Variants in ACOT8 observed in about 807,000 individuals in gnomAD.
ACOT8 encodes acyl-CoA thioesterase 8, also known as acyl-coenzyme A thioesterase 8.
A neutral mutation model predicts 38.4 loss-of-function variants in ACOT8; 31 were observed. The observed-to-expected ratio is 0.81, with a 90% CI of 0.61 to 1.09. The LOEUF is 1.09. Among genes scored for constraint, ACOT8 ranks in the 50% least tolerant of loss-of-function variants. ACOT8 has a pLI of 0.00. For synonymous variants in ACOT8, 158 were observed against 170.3 expected, an observed-to-expected ratio of 0.93 and a Z score of 0.56; for missense variants, 373 against 421.8, an observed-to-expected ratio of 0.88 and a Z score of 1.01.
intron 2 of ACOT8, 63 bp downstream of exon 2, chr20:45,855,096 C>A: frequency 6.3e-7 from 1 of 1,596,636 alleles, no homozygotes; most frequent in Non-Finnish European, 8.5e-7. Flanking sequence ...ACCTCAGCCC[C>A]CAAGGCCAGA....
chr20:45,849,538 C>T (rs1393627695), intron 2 of ACOT8, among the ~76,000 whole-genome samples: 2 of 151,732 alleles, frequency 1.3e-5, no homozygotes, highest in South Asian at 2.1e-4. Flanking sequence ...GCAACCTCTG[C>T]CTCCCAGGTT....
chr20:45,854,170 A>G (rs181295317), intron 2 of ACOT8, among the ~76,000 whole-genome samples: 40 of 137,492 alleles, frequency 2.9e-4, no homozygotes, highest in Non-Finnish European at 8.4e-5. Flanking sequence ...ATGTGCGGGG[A>G]TTATAGGCAT....
chr20:45,846,009 T>A (rs1200894337), intron 3 of ACOT8, among the ~76,000 whole-genome samples: 2 of 151,894 alleles, frequency 1.3e-5, no homozygotes, highest in Non-Finnish European at 2.9e-5. Context: ...TTTTTTTGTG[T>A]GTGTATTTTT....
chr20:45,844,964 G>C (rs148379244), intron 3 of ACOT8, among the ~76,000 whole-genome samples: 1 of 152,202 alleles, frequency 6.6e-6, no homozygotes, highest in Non-Finnish European at 1.5e-5. Context: ...TCTCACCCAG[G>C]CTGGAGTACA....
chr20:45,857,333 G>A lies in ACOT8; in HGVS notation c.-18C>T, dbSNP rs760935068. 5.0e-6 allele frequency: 8 copies of A among 1,587,370 alleles called. No individual in the cohort carries two copies. The highest frequency in any genetic ancestry group is 4.0e-5 in the African/African-American group (3 of 74,310). ...GACGACATCTAGTTCAATGCTGCAG[G>A]CCCTGCACACCCGCTCCGCGGAAGA... On this transcript the variant is annotated 5_prime_UTR_variant, in exon 1 of 6. Coordinates refer to ENST00000217455, the MANE Select transcript of ACOT8 (RefSeq NM_005469.4).
At position 45,855,370 on chromosome 20, in the gene ACOT8, T is replaced by C. The variant is rs1235372776; in HGVS notation, c.129-78A>G. The C allele has an allele frequency of 1.9e-6, 3 of 1,548,990 alleles. No individual in the cohort carries two copies. In the African/African-American group the frequency reaches 4.1e-5, roughly 21 times the overall value. On this transcript the variant is annotated intron_variant, in intron 1 of 5. Coordinates refer to ENST00000217455, the MANE Select transcript of ACOT8 (RefSeq NM_005469.4). ...CTACCCTCACTAAGACTCTAATGCA[T>C]GATCTCTTCACCATATTGGGGTTTA...
At chr20:45,856,315 T>G (rs567075472) in intron 1 of ACOT8, among the ~76,000 whole-genome samples, 13 of 151,554 alleles carry the variant, frequency 8.6e-5, no homozygotes, top group Non-Finnish European at 1.8e-4. Context: ...ATTCCTTAAG[T>G]GGAAGGAAGG....
chr20:45,846,350 C>T (rs961795331), intron 3 of ACOT8, among the ~76,000 whole-genome samples: 6 of 151,064 alleles, frequency 4.0e-5, no homozygotes, highest in Admixed American at 6.5e-5. Context: ...AGTACTAGCA[C>T]GCTAAGTGCC....
intron 3 of ACOT8, among the ~76,000 whole-genome samples, chr20:45,847,117 C>T (rs985581053): frequency 2.0e-5 from 3 of 151,730 alleles, no homozygotes; most frequent in Admixed American, 1.3e-4. Flanking sequence ...GGCTGAGGCA[C>T]GGGAATTGCT....
At chr20:45,851,343 C>T (rs1015897387) in intron 2 of ACOT8, among the ~76,000 whole-genome samples, 1 of 152,162 alleles carries the variant, frequency 6.6e-6, no homozygotes, top group East Asian at 1.9e-4. Context: ...TGAAGTCTTC[C>T]TCCCTACCAC....
intron 3 of ACOT8, among the ~76,000 whole-genome samples, chr20:45,845,516 C>T (rs931953997): frequency 2.0e-5 from 3 of 152,140 alleles, no homozygotes; most frequent in Admixed American, 2.0e-4. Flanking sequence ...TTTAAACACT[C>T]AAGAAACAGG....
intron 4 of ACOT8, 191 bp from the exon 5 acceptor site, chr20:45,843,912 G>C (rs1601089218): frequency 2.5e-6 from 3 of 1,207,568 alleles, no homozygotes; most frequent in East Asian, 5.1e-5. Flanking sequence ...GGGTGAGCAG[G>C]GACTGAAATT....
At chr20:45,843,411 G>T in intron 5 of ACOT8, 116 bp downstream of exon 5, 3 of 1,353,862 alleles carry the variant, frequency 2.2e-6, no homozygotes, top group Non-Finnish European at 3.1e-6. Flanking sequence ...GGGAGGGAAG[G>T]AAAGGAAGTG....
chr20:45,844,779 T>C (rs1355360842), intron 3 of ACOT8, among the ~76,000 whole-genome samples: 1 of 152,140 alleles, frequency 6.6e-6, no homozygotes, highest in Non-Finnish European at 1.5e-5. Context: ...GTACATACAA[T>C]AGTATTCCTC....
intron 2 of ACOT8, 136 bp downstream of exon 2, chr20:45,855,023 T>C: frequency 8.0e-7 from 1 of 1,252,660 alleles, no homozygotes; most frequent in South Asian, 1.4e-5. Flanking sequence ...CCTAGACACC[T>C]CTTAGGGTGG....
Position 45,848,510 on chromosome 20 carries a change from G to T in ACOT8, c.428C>A (p.Pro143His). 6.2e-7 allele frequency: 1 copy of T among 1,613,746 alleles called. No homozygotes were observed. The highest frequency in any genetic ancestry group is 8.5e-7 in the Non-Finnish European group (1 of 1,179,806). The change falls in exon 3 of 6, where the codon CCC becomes CAC. Residue 143 changes from proline (P) to histidine (H), a missense_variant. Pro to His is a moderately conservative substitution (Grantham distance 77, BLOSUM62 -2). Transcript: ENST00000217455. ...CAGCTCTTCTGGTGGTGGCACAGTGGGCATGGAGAACTGGTGCTGCATGGG... is the reference window on the plus strand; with the variant it reads ...CAGCTCTTCTGGTGGTGGCACAGTGTGCATGGAGAACTGGTGCTGCATGGG... ...PSPMQHQFSM[P>H]TVPPPEELLD...
chr20:45,849,496 G>C lies in ACOT8; in HGVS notation c.263-821C>G, dbSNP rs191708700. 7.3e-5 allele frequency among the ~76,000 whole-genome samples: 11 copies of C among 151,168 alleles called. No homozygotes were observed. In the East Asian group the frequency reaches 2.1e-3, roughly 30 times the overall value. On this transcript the variant is annotated intron_variant, in intron 2 of 5. Transcript: ENST00000217455. ...GAGACAGTTTCGCTGGGTCACCGAG[G>C]CTGAAGTGCAGTGGCGCTATCTGGG...
At chr20:45,854,564 A>G (rs1985290768) in intron 2 of ACOT8, among the ~76,000 whole-genome samples, 1 of 152,192 alleles carries the variant, frequency 6.6e-6, no homozygotes, top group South Asian at 2.1e-4. Flanking sequence ...GAAGCTGTAG[A>G]GATCATCCCA....
intron 3 of ACOT8, among the ~76,000 whole-genome samples, chr20:45,847,301 C>T (rs1157408762): frequency 6.6e-6 from 1 of 152,054 alleles, no homozygotes; most frequent in African/African-American, 2.4e-5. Flanking sequence ...GACACTCACT[C>T]CTGGTGTGCA....
Sources: allele counts gnomAD v4.1 joint callset (sites outside exome capture counted in the v4.1 genomes callset), GRCh38; gene constraint gnomAD v4.1.1; transcripts MANE v1.5; gene names NCBI Gene and HGNC (gene_info 2026-07-23, HGNC 2026-07-21).